Variants in MAP7D3 observed in about 807,000 individuals in gnomAD.
The protein encoded by MAP7D3 is MAP7 domain containing 3.
Under a neutral mutation model 62.2 loss-of-function variants are expected in MAP7D3, and 45 were observed. That is an observed-to-expected ratio of 0.72 (90% CI 0.57 to 0.93). The LOEUF is 0.93. MAP7D3 is among the 40% of genes least tolerant of loss of function. MAP7D3 has a pLI of 0.00. For missense variants in MAP7D3, 711 were observed against 683.1 expected (o/e 1.04, Z -0.45); for synonymous variants, 288 against 248.8 (o/e 1.16, Z -1.48).
intron 5 of MAP7D3, 77 bp from the exon 6 acceptor site, chrX:136,240,563 T>C (rs2074378410): frequency 1.5e-6 from 1 of 670,657 alleles, no homozygotes; most frequent in African/African-American, 2.2e-5. Context: ...AAATGAGTTT[T>C]CATGATATAG....
At position 136,230,416 on chromosome X, in the gene MAP7D3, C is replaced by T; in HGVS notation, c.1719G>A (p.Glu573=). Residue 573 remains glutamate, a synonymous_variant, in exon 10 of 19, where the codon GAG becomes GAA. Coordinates refer to ENST00000316077, the MANE Select transcript of MAP7D3 (RefSeq NM_024597.4). Reference sequence around the variant, plus strand: ...AGATCATATGCCTTTGGCTCAAAGCCTCACATCTGTTAGTGGTTTTAGAAA... The same window carrying T: ...AGATCATATGCCTTTGGCTCAAAGCTTCACATCTGTTAGTGGTTTTAGAAA... ...ETVSKTTNRC[E]ALSQRHMIYE... is the part of the protein sequence containing the mutation. 8.3e-7 allele frequency: 1 copy of T among 1,202,981 alleles called. No individual in the cohort carries two copies.
chrX:136,236,500 G>A (rs183181677), intron 6 of MAP7D3, among the ~76,000 whole-genome samples, 161 bp from the exon 7 acceptor site: 12 of 111,076 alleles, frequency 1.1e-4, no homozygotes, highest in African/African-American at 3.6e-4. Context: ...CTTAAAATGA[G>A]TTTATTCTTT....
In MAP7D3 at chrX:136,232,034, TG is replaced by T; in HGVS notation, c.922del (p.Gln308ArgfsTer2). The T allele has an allele frequency of 3.3e-6, 4 of 1,210,733 alleles. No homozygotes were observed. The highest frequency in any genetic ancestry group is 4.5e-6 in the Non-Finnish European group (4 of 894,674). Reference protein sequence around the residue: ...PPKASVDAPPQVNVEVFCNTS... With the variant: ...PPKASVDAPPXVNVEVFCNTS... ...GTTGCAGAATACTTCCACATTCACCTGGGGGGGTGCATCCACACTTGCCTTG... is the reference window on the plus strand; with the variant it reads ...GTTGCAGAATACTTCCACATTCACCTGGGGGGTGCATCCACACTTGCCTTG... On this transcript the variant is annotated frameshift_variant, in exon 8 of 19. Transcript: ENST00000316077. LOFTEE classifies it high-confidence loss of function.
upstream of MAP7D3, among the ~76,000 whole-genome samples, chrX:136,254,187 C>T (rs771833129): frequency 3.7e-4 from 40 of 107,657 alleles, no homozygotes; most frequent in East Asian, 7.9e-3. Flanking sequence ...TGGGTTCAAG[C>T]GATTCTCCTG....
In MAP7D3 at chrX:136,219,495, C is replaced by T. The variant is rs1489056255; in HGVS notation, c.2566G>A (p.Ala856Thr). The change falls in exon 18 of 19, where the codon GCA becomes ACA. Residue 856 changes from alanine (A) to threonine (T), a missense_variant and splice_region_variant. Coordinates refer to ENST00000316077, the MANE Select transcript of MAP7D3 (RefSeq NM_024597.4). ...TGGAATCCTTCAGATTTTGTTTGTGCCTGTCAGGAGAAAAATGTGACAAAG... is the reference window on the plus strand; with the variant it reads ...TGGAATCCTTCAGATTTTGTTTGTGTCTGTCAGGAGAAAAATGTGACAAAG... ...DETNTTSRSSAQTKSEGFHDI... is the reference protein window; with the variant it reads ...DETNTTSRSSTQTKSEGFHDI... 4 of 1,201,616 alleles carry T rather than the reference C, an allele frequency of 3.3e-6. No homozygotes were observed. The African/African-American group carries it at 7.0e-5, about 21-fold the overall frequency.
chrX:136,249,429 A>G (rs764929400), intron 1 of MAP7D3, among the ~76,000 whole-genome samples: 10 of 112,733 alleles, frequency 8.9e-5, no homozygotes, highest in African/African-American at 3.2e-4. Context: ...TTTTTATTTT[A>G]AAACAATTCT....
At chrX:136,230,774 A>G in intron 9 of MAP7D3, 65 bp downstream of exon 9, 1 of 1,115,369 alleles carries the variant, frequency 9.0e-7, no homozygotes, top group Non-Finnish European at 1.2e-6. Flanking sequence ...TCACTCATCA[A>G]ACATTGACAT....
At chrX:136,254,922 AAC>A (rs2074542913), upstream of MAP7D3, among the ~76,000 whole-genome samples, 2 of 70,040 alleles carry the variant, frequency 2.9e-5, no homozygotes, top group African/African-American at 9.7e-5. Flanking sequence ...AAAACAAACA[AAC>A]AAAAAAAACG....
chrX:136,224,246 C>A (rs1293845028), intron 14 of MAP7D3, among the ~76,000 whole-genome samples: 1 of 107,024 alleles, frequency 9.3e-6, no homozygotes, highest in African/African-American at 3.4e-5. Flanking sequence ...AATAGTAATA[C>A]AAAAATAGCT....
At chrX:136,236,434 T>A in intron 6 of MAP7D3, 95 bp from the exon 7 acceptor site, 1 of 411,556 alleles carries the variant, frequency 2.4e-6, no homozygotes, top group South Asian at 7.0e-5. Flanking sequence ...TTATGTTCTC[T>A]ACCTTGCTTA....
intron 4 of MAP7D3, among the ~76,000 whole-genome samples, chrX:136,242,993 GGA>G (rs2074406117): frequency 9.0e-6 from 1 of 111,351 alleles, no homozygotes; most frequent in African/African-American, 3.3e-5. Context: ...GTTCAGAAAG[GGA>G]GAGATATAGT....
At chrX:136,215,403 A>T (rs1603275582), downstream of MAP7D3, among the ~76,000 whole-genome samples, 2 of 111,753 alleles carry the variant, frequency 1.8e-5, no homozygotes, top group African/African-American at 6.5e-5. Flanking sequence ...CACGCATGTG[A>T]GGGATCTAGG....
upstream of MAP7D3, among the ~76,000 whole-genome samples, chrX:136,252,676 C>CAAAAAAAAAAAAATA (rs2074525871): frequency 2.8e-5 from 1 of 36,055 alleles, no homozygotes; most frequent in Non-Finnish European, 4.4e-5. Context: ...GACTCTGTCT[C>CAAAAAAAAAAAAATA]AAAAAAAAAA....
chrX:136,225,797 C>T (rs1342598276), intron 13 of MAP7D3, 112 bp downstream of exon 13: 5 of 488,404 alleles, frequency 1.0e-5, no homozygotes, highest in Non-Finnish European at 1.7e-5. Flanking sequence ...AGTGGGAAAA[C>T]CACCAGGAAC....
intron 7 of MAP7D3, among the ~76,000 whole-genome samples, chrX:136,232,421 A>G (rs967736202): frequency 1.8e-5 from 2 of 112,488 alleles, no homozygotes; most frequent in African/African-American, 6.5e-5. Context: ...CTACTTCGGA[A>G]GCAACATTAA....
chrX:136,219,854 G>T, intron 16 of MAP7D3, 183 bp from the exon 17 acceptor site: 1 of 497,325 alleles, frequency 2.0e-6, no homozygotes, highest in Non-Finnish European at 3.6e-6. Flanking sequence ...TTTTCAAACT[G>T]TATTCCAGAA....
chrX:136,224,052 CAAAAAAA>C (rs59789059), intron 14 of MAP7D3, among the ~76,000 whole-genome samples: 2 of 10,676 alleles, frequency 1.9e-4, no homozygotes, highest in African/African-American at 3.3e-4. Context: ...ACTCTTATCT[CAAAAAAA>C]AAAAAAAAAA....
chrX:136,222,905 G>A (rs1001692061), intron 14 of MAP7D3, among the ~76,000 whole-genome samples: 2 of 107,887 alleles, frequency 1.9e-5, no homozygotes, highest in African/African-American at 3.4e-5. Flanking sequence ...GCAGTGGCAC[G>A]ATCATAGCTC....
At chrX:136,215,558 T>TTGGAAACTAAACACTCACAGGCAGATCAG (rs2074056090), downstream of MAP7D3, among the ~76,000 whole-genome samples, 2 of 111,940 alleles carry the variant, frequency 1.8e-5, no homozygotes, top group African/African-American at 6.5e-5. Flanking sequence ...TACTTCATTA[T>TTGGAAACTAAACACTCACAGGCAGATCAG]ATATTACAAT....
Sources: allele counts gnomAD v4.1 joint callset (sites outside exome capture counted in the v4.1 genomes callset), GRCh38; gene constraint gnomAD v4.1.1; transcripts MANE v1.5; gene names NCBI Gene and HGNC (gene_info 2026-07-23, HGNC 2026-07-21).